PPM1L: variants seen among roughly 807,000 people sequenced by gnomAD.
PPM1L encodes protein phosphatase 1L.
A neutral mutation model predicts 31.4 loss-of-function variants in PPM1L; 13 were observed. The observed-to-expected ratio is 0.41, with a 90% CI of 0.27 to 0.66. The LOEUF is 0.66. Ranked by LOEUF, PPM1L falls within the 30% of genes least tolerant of loss-of-function variation. The pLI, the probability that PPM1L is intolerant of heterozygous loss-of-function variation, is 0.29. For missense variants in PPM1L, 326 were observed against 453.7 expected (o/e 0.72, Z 2.56); for synonymous variants, 184 against 175.4 (o/e 1.05, Z -0.39).
intron 1 of PPM1L, among the ~76,000 whole-genome samples, chr3:160,887,967 C>G (rs1369089790): frequency 6.6e-6 from 1 of 152,104 alleles, no homozygotes; most frequent in Non-Finnish European, 1.5e-5. Flanking sequence ...AAAATTCTTT[C>G]CAGATAAGAA....
At position 161,014,049 on chromosome 3, in the gene PPM1L, A is replaced by G. The variant is rs530259524; in HGVS notation, c.575-51354A>G. Among the ~76,000 whole-genome samples, 52 of 152,308 alleles carry G rather than the reference A, an allele frequency of 3.4e-4. 1 individual carries two copies. In the South Asian group the frequency reaches 0.011, roughly 32 times the overall value. Reference sequence around the variant, plus strand: ...TTAAGGTTAATATTGTTATGCGTGAATTTGATCCTGTCATTGTGATGTTAG... The same window carrying G: ...TTAAGGTTAATATTGTTATGCGTGAGTTTGATCCTGTCATTGTGATGTTAG... On this transcript the variant is annotated intron_variant, in intron 2 of 3. Transcript: ENST00000498165.
At chr3:161,046,659 T>C (rs1399346335) in intron 2 of PPM1L, among the ~76,000 whole-genome samples, 2 of 152,110 alleles carry the variant, frequency 1.3e-5, no homozygotes, top group African/African-American at 2.4e-5. Context: ...TAGACCAATA[T>C]CCTTGATGAA....
chr3:160,999,279 G>A (rs190990024), intron 2 of PPM1L, among the ~76,000 whole-genome samples: 11 of 152,212 alleles, frequency 7.2e-5, no homozygotes, highest in African/African-American at 2.4e-4. Flanking sequence ...GAAAACGGCC[G>A]CGTGTGGTTT....
chr3:161,055,636 G>GTATA (rs1158097347), intron 2 of PPM1L, among the ~76,000 whole-genome samples: 1 of 152,136 alleles, frequency 6.6e-6, no homozygotes, highest in East Asian at 1.9e-4. Flanking sequence ...CCTGTGCTGT[G>GTATA]TATAATGAAT....
chr3:160,879,871 G>A (rs376063571), intron 1 of PPM1L, among the ~76,000 whole-genome samples: 36 of 152,248 alleles, frequency 2.4e-4, no homozygotes, highest in South Asian at 1.0e-3. Context: ...TACAAATTGA[G>A]AACTGCTCCT....
chr3:160,861,373 A>T (rs563152123), intron 1 of PPM1L, among the ~76,000 whole-genome samples: 6 of 152,346 alleles, frequency 3.9e-5, no homozygotes, highest in African/African-American at 1.2e-4. Flanking sequence ...TTTAGACAGG[A>T]TGGATAACAG....
chr3:161,072,797 A>AT lies in PPM1L; in HGVS notation c.*3641dup, dbSNP rs916849095. The AT allele has an allele frequency of 2.0e-5, 3 of 152,170 alleles. No individual in the cohort carries two copies. Among genetic ancestry groups the AT allele is most frequent in the African/African-American group, 2.4e-5 (1 of 41,414 alleles). 9.4% of individuals were successfully genotyped at this position (152,170 alleles called of 1,614,324 possible). A position where few individuals can be genotyped will look rare whatever the true frequency, so the allele number is the denominator to read the frequency against. ...AAGGTCTGTGTTTAGAAAAGGCAGC[A>AT]TATCATTGTATATTTGAAACTATAG... On this transcript the variant is annotated 3_prime_UTR_variant, in exon 4 of 4. Transcript: ENST00000498165.
At chr3:160,855,313 T>G (rs1435404732) in intron 1 of PPM1L, among the ~76,000 whole-genome samples, 1 of 152,136 alleles carries the variant, frequency 6.6e-6, no homozygotes, top group African/African-American at 2.4e-5. Flanking sequence ...ACATAGGCTC[T>G]GGCAAAGATT....
intron 2 of PPM1L, among the ~76,000 whole-genome samples, chr3:161,011,807 G>T (rs1199447547): frequency 6.6e-6 from 1 of 152,070 alleles, no homozygotes; most frequent in Non-Finnish European, 1.5e-5. Flanking sequence ...CTCATGATTT[G>T]GTTCTCTGTT....
intron 2 of PPM1L, among the ~76,000 whole-genome samples, chr3:161,035,469 C>G (rs1244175472): frequency 1.3e-5 from 2 of 152,192 alleles, no homozygotes; most frequent in African/African-American, 4.8e-5. Flanking sequence ...GACAGACATG[C>G]TAAAGGCTGT....
intron 2 of PPM1L, 118 bp from the exon 3 acceptor site, chr3:161,065,285 T>G (rs1576626465): frequency 1.8e-4 from 161 of 915,880 alleles, no homozygotes; most frequent in Admixed American, 5.6e-4. Context: ...GTGGCTGGAG[T>G]CAAATTCTCA....
intron 1 of PPM1L, among the ~76,000 whole-genome samples, chr3:160,889,669 G>C (rs1252115228): frequency 6.6e-6 from 1 of 152,162 alleles, no homozygotes; most frequent in Non-Finnish European, 1.5e-5. Flanking sequence ...GCATCATCCT[G>C]ATACCAAAAC....
chr3:161,050,863 T>A (rs916041915), intron 2 of PPM1L, among the ~76,000 whole-genome samples: 13 of 152,344 alleles, frequency 8.5e-5, no homozygotes, highest in Middle Eastern at 3.4e-3. Context: ...TTCCTTAGGA[T>A]AAAATCCAAG....
rs367998384 is a variant in PPM1L at position 161,068,828 on chromosome 3, A to G, written c.754A>G (p.Asn252Asp). ...IKRAGGFISFNGSWRVQGILA... is the reference protein window; with the variant it reads ...IKRAGGFISFDGSWRVQGILA... The stretch of plus-strand genomic sequence containing the variant: ...CTTTCTAGGTGGTTTCATCAGTTTC[A>G]ATGGCTCCTGGAGGGTCCAGGGAAT... The change falls in exon 4 of 4, where the codon AAT becomes GAT. Residue 252 changes from asparagine to aspartate, a missense_variant. Physicochemically the swap from Asn to Asp is conservative, Grantham distance 23. Transcript: ENST00000498165. 3.1e-6 allele frequency: 5 copies of G among 1,611,190 alleles called. No homozygotes were observed. Among genetic ancestry groups the G allele is most frequent in the Non-Finnish European group, 4.2e-6 (5 of 1,178,798 alleles).
chr3:160,765,377 C>T lies in PPM1L; in HGVS notation c.399+8670C>T, dbSNP rs186301222. ...TGTTATGTGGACACTGCCTAGTCTT[C>T]TCGATTTGCTTAGTGGGACTTTGGT... On this transcript the variant is annotated intron_variant, in intron 1 of 3. Coordinates refer to ENST00000498165, the MANE Select transcript of PPM1L (RefSeq NM_139245.4). Among the ~76,000 whole-genome samples, 3 of 152,318 alleles carry T rather than the reference C, an allele frequency of 2.0e-5. No individual in the cohort carries two copies. In the East Asian group the frequency reaches 5.8e-4, roughly 29 times the overall value.
At chr3:160,988,039 A>G (rs1308070930) in intron 2 of PPM1L, among the ~76,000 whole-genome samples, 1 of 152,146 alleles carries the variant, frequency 6.6e-6, no homozygotes, top group Non-Finnish European at 1.5e-5. Flanking sequence ...AGAAGGAAAT[A>G]ATGGGATCTC....
At chr3:160,880,629 T>TA (rs34829611) in intron 1 of PPM1L, among the ~76,000 whole-genome samples, 58 of 147,226 alleles carry the variant, frequency 3.9e-4, no homozygotes, top group African/African-American at 6.8e-4. Flanking sequence ...ATTCTGTGGT[T>TA]AAAAAAAAAA....
rs1053480548 is a variant in PPM1L, at chr3:161,027,570, T to C, written c.575-37833T>C. ...GAACCATCAGATCTTGTGAGACTTA[T>C]TCACTGTCACAAGAACAGCACGGGA... On this transcript the variant is annotated intron_variant, in intron 2 of 3. Transcript: ENST00000498165. Among the ~76,000 whole-genome samples, 5 of 152,198 alleles carry C rather than the reference T, an allele frequency of 3.3e-5. No individual in the cohort carries two copies. In the East Asian group the frequency reaches 7.7e-4, roughly 24 times the overall value.
chr3:160,897,722 C>T (rs923444425), intron 1 of PPM1L, among the ~76,000 whole-genome samples: 5 of 152,228 alleles, frequency 3.3e-5, no homozygotes, highest in African/African-American at 1.2e-4. Flanking sequence ...GCCAGAATGG[C>T]ACTGTGATAA....
Sources: allele counts gnomAD v4.1 joint callset (sites outside exome capture counted in the v4.1 genomes callset), GRCh38; gene constraint gnomAD v4.1.1; transcripts MANE v1.5; gene names NCBI Gene and HGNC (gene_info 2026-07-23, HGNC 2026-07-21).